GRIK1: variants seen among roughly 807,000 people sequenced by gnomAD.
The protein encoded by GRIK1 is glutamate receptor ionotropic, kainate 1.
In GRIK1, 69 loss-of-function variants were observed where a neutral mutation model predicts 105.7. The ratio of observed to expected loss-of-function variants is 0.65; its 90% CI spans 0.54 to 0.80. The LOEUF is 0.80. Among genes scored for constraint, GRIK1 ranks in the 30% least tolerant of loss-of-function variants. GRIK1 has a pLI of 0.00. For missense variants in GRIK1, 1,109 were observed against 1,167.3 expected, an observed-to-expected ratio of 0.95 and a Z score of 0.73; for synonymous variants, 438 against 431.3, an observed-to-expected ratio of 1.02 and a Z score of -0.19.
At position 29,561,106 on chromosome 21, in the gene GRIK1, T is replaced by C. The variant is rs140475023; in HGVS notation, c.2356+518A>G. Among the ~76,000 whole-genome samples the C allele has an allele frequency of 9.1e-4, 138 of 152,322 alleles. No individual in the cohort carries two copies. In the East Asian group the frequency reaches 0.026, roughly 28 times the overall value. ...ATTTGAAGATTTTACATAGTTGGCA[T>C]TGATTGAATGTAACATTGCCTGAGC... On this transcript the variant is annotated intron_variant, in intron 15 of 17. Coordinates refer to ENST00000327783, the MANE Select transcript of GRIK1 (RefSeq NM_001330994.2).
chr21:29,773,617 C>T (rs946715995), intron 1 of GRIK1, among the ~76,000 whole-genome samples: 1 of 152,062 alleles, frequency 6.6e-6, no homozygotes, highest in Non-Finnish European at 1.5e-5. Context: ...TCCTATATAT[C>T]TCTACAAGTC....
At chr21:29,718,135 A>G (rs548377998) in intron 1 of GRIK1, among the ~76,000 whole-genome samples, 2 of 152,328 alleles carry the variant, frequency 1.3e-5, no homozygotes, top group African/African-American at 4.8e-5. Flanking sequence ...ATGCTAAACT[A>G]TAAGTCAATT....
In GRIK1 at chr21:29,556,490, CCTTA is replaced by C. The variant is rs143694837; in HGVS notation, c.2357-1192_2357-1189del. Among the ~76,000 whole-genome samples, 1,262 of 152,244 alleles carry C rather than the reference CCTTA, an allele frequency of 8.3e-3. 19 individuals are homozygous for C. Among genetic ancestry groups the C allele is most frequent in the African/African-American group, 0.029 (1,206 of 41,540 alleles). On this transcript the variant is annotated intron_variant, in intron 15 of 17. Transcript: ENST00000327783. ...TTTTTTAAGTTAGCAGTTATTTAGA[CCTTA>C]CTTTTTTCTAGGCTCTTTGTTGTCT...
At chr21:29,592,131 G>T (rs945490737) in intron 9 of GRIK1, among the ~76,000 whole-genome samples, 3 of 152,154 alleles carry the variant, frequency 2.0e-5, no homozygotes, top group African/African-American at 7.2e-5. Flanking sequence ...ACTAAATTCA[G>T]GGCCTATCTT....
intron 1 of GRIK1, among the ~76,000 whole-genome samples, chr21:29,757,625 C>G (rs985631215): frequency 3.9e-5 from 6 of 152,084 alleles, no homozygotes; most frequent in Non-Finnish European, 8.8e-5. Flanking sequence ...AGTTCTTTCT[C>G]AAAGAAGCCA....
intron 1 of GRIK1, among the ~76,000 whole-genome samples, chr21:29,741,011 C>T (rs2064912766): frequency 6.6e-6 from 1 of 152,214 alleles, no homozygotes; most frequent in South Asian, 2.1e-4. Flanking sequence ...TTGTTTCTCT[C>T]AGAAAGCCTT....
intron 16 of GRIK1, among the ~76,000 whole-genome samples, chr21:29,540,675 G>C (rs2089954021): frequency 6.6e-6 from 1 of 152,112 alleles, no homozygotes; most frequent in Non-Finnish European, 1.5e-5. Flanking sequence ...AATGACTGTA[G>C]CTTTCTAAAA....
At chr21:29,661,883 G>A (rs1001961476) in intron 4 of GRIK1, among the ~76,000 whole-genome samples, 2 of 152,122 alleles carry the variant, frequency 1.3e-5, no homozygotes, top group South Asian at 2.1e-4. Flanking sequence ...TCACTTACAC[G>A]TGTTAACCAC....
intron 1 of GRIK1, among the ~76,000 whole-genome samples, chr21:29,801,906 T>C (rs1424291583): frequency 1.3e-5 from 2 of 152,158 alleles, no homozygotes; most frequent in Non-Finnish European, 2.9e-5. Context: ...TAAGCATCCA[T>C]TATGTCTCAC....
chr21:29,904,358 T>C (rs999719814), intron 1 of GRIK1, among the ~76,000 whole-genome samples: 2 of 152,082 alleles, frequency 1.3e-5, no homozygotes, highest in African/African-American at 4.8e-5. Context: ...TTGTTTTTTT[T>C]TAAAACTGAA....
At chr21:29,907,133 C>CT (rs375444235) in intron 1 of GRIK1, among the ~76,000 whole-genome samples, 11 of 150,992 alleles carry the variant, frequency 7.3e-5, no homozygotes, top group African/African-American at 2.4e-4. Flanking sequence ...GTCATTGCTG[C>CT]TTTTTTTGTT....
intron 11 of GRIK1, among the ~76,000 whole-genome samples, chr21:29,588,129 C>A (rs1247433729): frequency 1.3e-5 from 2 of 151,674 alleles, no homozygotes; most frequent in Non-Finnish European, 1.5e-5. Context: ...CGCCCACCAC[C>A]ACGCCTGGCT....
chr21:29,684,151 C>T (rs1484996572), intron 3 of GRIK1, among the ~76,000 whole-genome samples: 1 of 152,182 alleles, frequency 6.6e-6, no homozygotes, highest in Non-Finnish European at 1.5e-5. Context: ...GAGAAACAGA[C>T]TGTGGATTCC....
intron 1 of GRIK1, among the ~76,000 whole-genome samples, chr21:29,778,934 C>A (rs2066016698): frequency 6.6e-6 from 1 of 152,144 alleles, no homozygotes; most frequent in South Asian, 2.1e-4. Flanking sequence ...GGGAATTATA[C>A]TAATTCAAAA....
intron 1 of GRIK1, among the ~76,000 whole-genome samples, chr21:29,904,193 G>A (rs946807577): frequency 1.3e-5 from 2 of 151,902 alleles, no homozygotes; most frequent in African/African-American, 4.8e-5. Context: ...GATGGGTGCC[G>A]CAAACCACCA....
intron 1 of GRIK1, 52 bp from the exon 2 acceptor site, chr21:29,694,115 T>C (rs75905286): frequency 2.4e-6 from 2 of 823,084 alleles, no homozygotes; most frequent in South Asian, 4.0e-5. Flanking sequence ...GGTTCACATG[T>C]AATTTTTTTT....
intron 1 of GRIK1, among the ~76,000 whole-genome samples, chr21:29,749,927 A>T (rs1204282281): frequency 6.6e-6 from 1 of 152,078 alleles, no homozygotes; most frequent in East Asian, 1.9e-4. Flanking sequence ...TAATATCAAA[A>T]GTACGTAATC....
At chr21:29,619,176 C>T (rs34932525) in intron 7 of GRIK1, among the ~76,000 whole-genome samples, 3 of 148,872 alleles carry the variant, frequency 2.0e-5, no homozygotes, top group Admixed American at 6.8e-5. Context: ...CGATGCCTCA[C>T]GCCTGTAGTC....
intron 1 of GRIK1, among the ~76,000 whole-genome samples, chr21:29,877,607 A>G (rs1466613784): frequency 6.6e-6 from 1 of 152,216 alleles, no homozygotes; most frequent in African/African-American, 2.4e-5. Flanking sequence ...GCAATGAATC[A>G]TACTGGAAAC....
Sources: gnomAD v4.1 joint callset for allele counts (sites outside exome capture counted in the v4.1 genomes callset) on GRCh38, gnomAD v4.1.1 for gene constraint, MANE v1.5 for transcripts, NCBI Gene and HGNC (gene_info 2026-07-23, HGNC 2026-07-21) for gene names.